The following DDX10 variants were observed in gnomAD, a reference collection of about 807,000 sequenced individuals.
The protein encoded by DDX10 is probable ATP-dependent RNA helicase DDX10.
Under a neutral mutation model 104.3 loss-of-function variants are expected in DDX10, and 74 were observed. The ratio of observed to expected loss-of-function variants is 0.71; its 90% CI spans 0.59 to 0.86. The LOEUF (loss-of-function observed/expected upper bound fraction) is 0.86, where lower values mean the gene tolerates loss of function less well. Among genes scored for constraint, DDX10 ranks in the 40% least tolerant of loss-of-function variants. The pLI is 0.00. For missense variants in DDX10, 952 were observed against 1,040.0 expected (o/e 0.92, Z 1.16); for synonymous variants, 351 against 353.4 (o/e 0.99, Z 0.08).
chr11:108,855,628 T>G (rs1452370047), intron 16 of DDX10, among the ~76,000 whole-genome samples: 1 of 151,970 alleles, frequency 6.6e-6, no homozygotes, highest in Non-Finnish European at 1.5e-5. Context: ...CCCAGCTAAT[T>G]TTTTGTATTT....
At chr11:108,819,814 G>T (rs1006086497) in intron 13 of DDX10, among the ~76,000 whole-genome samples, 6 of 152,230 alleles carry the variant, frequency 3.9e-5, no homozygotes, top group African/African-American at 9.6e-5. Flanking sequence ...GGTCAGGCTG[G>T]TCTCGAACTC....
intron 11 of DDX10, among the ~76,000 whole-genome samples, chr11:108,716,822 A>G (rs1187212964): frequency 6.6e-6 from 1 of 152,188 alleles, no homozygotes; most frequent in Non-Finnish European, 1.5e-5. Context: ...GGTATGTAAC[A>G]TGTTTTGAAA....
chr11:108,834,192 C>T (rs1862515127), intron 13 of DDX10, among the ~76,000 whole-genome samples: 1 of 150,954 alleles, frequency 6.6e-6, no homozygotes, highest in Non-Finnish European at 1.5e-5. Flanking sequence ...TGGTCGTGAA[C>T]TCCTGGGCCC....
intron 17 of DDX10, among the ~76,000 whole-genome samples, chr11:108,930,726 A>G (rs1443317592): frequency 6.6e-6 from 1 of 152,166 alleles, no homozygotes; most frequent in Non-Finnish European, 1.5e-5. Context: ...AGCTGTTTTT[A>G]ACGTTTAAAA....
chr11:108,929,195 C>T (rs574880209), intron 17 of DDX10, among the ~76,000 whole-genome samples: 29 of 152,224 alleles, frequency 1.9e-4, no homozygotes, highest in East Asian at 1.2e-3. Context: ...ATAGAGCGTA[C>T]GCTCCAGCAA....
intron 13 of DDX10, among the ~76,000 whole-genome samples, chr11:108,804,234 G>T (rs923515852): frequency 6.6e-6 from 1 of 152,000 alleles, no homozygotes; most frequent in Non-Finnish European, 1.5e-5. Context: ...ATGTTGGCTG[G>T]TGCCTGTAAT....
chr11:108,914,507 C>T (rs906535920), intron 16 of DDX10, among the ~76,000 whole-genome samples: 1 of 152,124 alleles, frequency 6.6e-6, no homozygotes, highest in African/African-American at 2.4e-5. Context: ...CAGCTCCTTA[C>T]TATGGATTAG....
intron 13 of DDX10, among the ~76,000 whole-genome samples, chr11:108,824,504 C>G (rs1344546394): frequency 1.3e-5 from 2 of 151,654 alleles, no homozygotes; most frequent in African/African-American, 4.9e-5. Context: ...TTTCTGAGTT[C>G]TAGAAGAATT....
At chr11:108,890,995 C>T (rs757264043) in intron 16 of DDX10, among the ~76,000 whole-genome samples, 5 of 152,132 alleles carry the variant, frequency 3.3e-5, no homozygotes, top group Non-Finnish European at 5.9e-5. Flanking sequence ...GTGTTCGAGA[C>T]CATTTTTGTG....
chr11:108,775,538 T>C (rs1448718603), intron 13 of DDX10, among the ~76,000 whole-genome samples: 1 of 152,240 alleles, frequency 6.6e-6, no homozygotes, highest in Admixed American at 6.5e-5. Context: ...CTCAAAGCAA[T>C]GCCTAACTAT....
At chr11:108,864,060 CT>C (rs2134617084) in intron 16 of DDX10, among the ~76,000 whole-genome samples, 2 of 152,266 alleles carry the variant, frequency 1.3e-5, no homozygotes, top group East Asian at 3.9e-4. Flanking sequence ...GTGGTGTTGC[CT>C]GCATTGCCAA....
intron 9 of DDX10, among the ~76,000 whole-genome samples, chr11:108,695,489 C>G (rs1341604165): frequency 6.6e-6 from 1 of 152,218 alleles, no homozygotes; most frequent in Non-Finnish European, 1.5e-5. Context: ...TGCCCTGTGT[C>G]CACTTCAGCA....
At chr11:108,791,882 T>C (rs1861875873) in intron 13 of DDX10, among the ~76,000 whole-genome samples, 1 of 152,238 alleles carries the variant, frequency 6.6e-6, no homozygotes, top group Non-Finnish European at 1.5e-5. Context: ...AAAGTGGCTG[T>C]GACTGCGTAT....
At chr11:108,715,811 G>A (rs753629161) in intron 10 of DDX10, 68 bp from the exon 11 acceptor site, 30 of 766,990 alleles carry the variant, frequency 3.9e-5, no homozygotes, top group Non-Finnish European at 6.0e-5. Context: ...ATAGGAAAAT[G>A]CTGCTTACTA....
chr11:108,802,805 T>C (rs1243777270), intron 13 of DDX10, among the ~76,000 whole-genome samples: 1 of 152,230 alleles, frequency 6.6e-6, no homozygotes, highest in East Asian at 1.9e-4. Flanking sequence ...ATGCATGATA[T>C]CTGTTTCATG....
At chr11:108,812,269 A>G (rs925048504) in intron 13 of DDX10, among the ~76,000 whole-genome samples, 41 of 152,190 alleles carry the variant, frequency 2.7e-4, no homozygotes, top group Non-Finnish European at 5.3e-4. Flanking sequence ...TCCTGAATAC[A>G]CTGAATACTA....
chr11:108,684,801 G>T (rs918655083), intron 6 of DDX10, among the ~76,000 whole-genome samples: 103 of 148,886 alleles, frequency 6.9e-4, no homozygotes, highest in Non-Finnish European at 1.1e-3. Flanking sequence ...GGTTGAACTA[G>T]TTTACAGTCC....
chr11:108,838,940 A>C (rs1320825193), intron 14 of DDX10, among the ~76,000 whole-genome samples: 2 of 152,190 alleles, frequency 1.3e-5, no homozygotes, highest in Non-Finnish European at 2.9e-5. Context: ...TCTGCTTTGC[A>C]CTTCCTCAAT....
chr11:108,921,323 T>G (rs1281487162), intron 17 of DDX10: 2 of 152,248 alleles, frequency 1.3e-5, no homozygotes, highest in African/African-American at 4.8e-5. Flanking sequence ...TAATTGCTGT[T>G]GCTGCTAGCA....
Sources: allele counts gnomAD v4.1 joint callset (sites outside exome capture counted in the v4.1 genomes callset), GRCh38; gene constraint gnomAD v4.1.1; transcripts MANE v1.5; gene names NCBI Gene and HGNC (gene_info 2026-07-23, HGNC 2026-07-21).